TMEM117: variants seen among roughly 807,000 people sequenced by gnomAD.
TMEM117 encodes the protein transmembrane protein 117.
Under a neutral mutation model 52.4 loss-of-function variants are expected in TMEM117, and 27 were observed. That is an observed-to-expected ratio of 0.51 (90% confidence interval 0.38 to 0.71). The LOEUF (loss-of-function observed/expected upper bound fraction) is 0.71. TMEM117 is among the 30% of genes least tolerant of loss of function. TMEM117 has a pLI of 0.00. For synonymous variants in TMEM117, 215 were observed against 206.3 expected (o/e 1.04, Z -0.36); for missense variants, 556 against 630.5 (o/e 0.88, Z 1.26).
At chr12:43,844,961 C>A in intron 2 of TMEM117, 33 bp downstream of exon 2, 1 of 1,569,124 alleles carries the variant, frequency 6.4e-7, no homozygotes, top group African/African-American at 1.4e-5. Flanking sequence ...TGTAATATCA[C>A]TAATTATTTA....
intron 4 of TMEM117, among the ~76,000 whole-genome samples, chr12:44,152,173 AT>A (rs1948741889): frequency 9.0e-6 from 1 of 110,830 alleles, no homozygotes; most frequent in African/African-American, 3.7e-5. Flanking sequence ...TATATATAAA[AT>A]TATATTTATA....
intron 4 of TMEM117, among the ~76,000 whole-genome samples, chr12:44,148,258 A>G (rs1948673398): frequency 6.6e-6 from 1 of 152,222 alleles, no homozygotes; most frequent in South Asian, 2.1e-4. Context: ...TGTGATTTTT[A>G]ATGGACTTTT....
chr12:43,837,046 AT>A (rs144332124), intron 1 of TMEM117, among the ~76,000 whole-genome samples: 466 of 151,092 alleles, frequency 3.1e-3, no homozygotes, highest in Admixed American at 7.5e-3. Context: ...TGTAAACCCC[AT>A]TTTTTTTTGT....
chr12:44,327,422 A>G (rs1219770087), intron 6 of TMEM117, among the ~76,000 whole-genome samples: 1 of 152,194 alleles, frequency 6.6e-6, no homozygotes, highest in African/African-American at 2.4e-5. Context: ...AAGATGATTA[A>G]GTAGAAGATG....
At chr12:43,844,026 T>C (rs759611097) in intron 1 of TMEM117, among the ~76,000 whole-genome samples, 16 of 152,232 alleles carry the variant, frequency 1.1e-4, no homozygotes, top group Non-Finnish European at 2.2e-4. Context: ...TCTATATTGT[T>C]TTGATTTTGT....
intron 2 of TMEM117, among the ~76,000 whole-genome samples, chr12:43,935,118 C>T (rs994945847): frequency 1.3e-5 from 2 of 152,262 alleles, no homozygotes; most frequent in Admixed American, 1.3e-4. Context: ...AGTCGATTCT[C>T]CCACCTCAAT....
rs576832153 is a variant in TMEM117 at position 44,231,660 on chromosome 12, C to T, written c.608+20273C>T. Among the ~76,000 whole-genome samples, 13 of 151,792 alleles carry T rather than the reference C, an allele frequency of 8.6e-5. No individual in the cohort carries two copies. The South Asian group carries it at 2.1e-3, about 24-fold the overall frequency. Reference sequence around the variant, plus strand: ...TTATAGACTTACATTTTAGCCAATCCGGTGGTTGTTCAGTAACATCTCATT... The same window carrying T: ...TTATAGACTTACATTTTAGCCAATCTGGTGGTTGTTCAGTAACATCTCATT... On this transcript the variant is annotated intron_variant, in intron 5 of 7. Coordinates refer to ENST00000266534, the MANE Select transcript of TMEM117 (RefSeq NM_032256.3).
In TMEM117 at chr12:44,381,052, T is replaced by C. The variant is rs1952013248; in HGVS notation, c.898+4328T>C. 2.0e-5 allele frequency among the ~76,000 whole-genome samples: 3 copies of C among 152,204 alleles called. No individual in the cohort carries two copies. The South Asian group carries it at 6.2e-4, about 32-fold the overall frequency. ...TTTATTTATGCATGTCAGAAATAAC[T>C]TGAATTGTTGCATCTGTTTAGCTCA... On this transcript the variant is annotated intron_variant, in intron 7 of 7. Coordinates refer to ENST00000266534, the MANE Select transcript of TMEM117 (RefSeq NM_032256.3).
At chr12:44,260,796 G>A (rs1336202754) in intron 5 of TMEM117, among the ~76,000 whole-genome samples, 1 of 152,164 alleles carries the variant, frequency 6.6e-6, no homozygotes, top group East Asian at 1.9e-4. Context: ...AAAACCATGT[G>A]CAAATCATAG....
At chr12:44,328,921 A>C (rs1040675683) in intron 6 of TMEM117, among the ~76,000 whole-genome samples, 1 of 151,980 alleles carries the variant, frequency 6.6e-6, no homozygotes, top group African/African-American at 2.4e-5. Flanking sequence ...CAGAAATAAG[A>C]CAAGTCTTGG....
chr12:43,891,264 A>ACAGAAGTACCT (rs1944097831), intron 2 of TMEM117, among the ~76,000 whole-genome samples: 2 of 152,012 alleles, frequency 1.3e-5, no homozygotes, highest in South Asian at 4.1e-4. Flanking sequence ...AACAAAACAC[A>ACAGAAGTACCT]CAGAAGTACC....
At chr12:44,159,898 G>T (rs936313375) in intron 4 of TMEM117, among the ~76,000 whole-genome samples, 2 of 152,080 alleles carry the variant, frequency 1.3e-5, no homozygotes, top group Non-Finnish European at 2.9e-5. Context: ...CAAAGTGCTG[G>T]TGTGGAAATG....
At chr12:43,855,894 T>G (rs778838953) in intron 2 of TMEM117, among the ~76,000 whole-genome samples, 2 of 152,210 alleles carry the variant, frequency 1.3e-5, no homozygotes, top group Non-Finnish European at 2.9e-5. Context: ...AAAAGCATGG[T>G]CAAGGTAGTC....
chr12:44,230,837 AT>A (rs1949923326), intron 5 of TMEM117, among the ~76,000 whole-genome samples: 1 of 152,054 alleles, frequency 6.6e-6, no homozygotes, highest in African/African-American at 2.4e-5. Context: ...CATTTCTTTA[AT>A]TCCTAGATGG....
intron 6 of TMEM117, among the ~76,000 whole-genome samples, chr12:44,368,418 C>A (rs142305829): frequency 7.2e-4 from 110 of 152,226 alleles, no homozygotes; most frequent in South Asian, 6.8e-3. Context: ...CCTCTACCCA[C>A]CATCTAATAT....
intron 3 of TMEM117, among the ~76,000 whole-genome samples, chr12:44,021,205 C>T (rs772235796): frequency 1.3e-5 from 2 of 152,066 alleles, no homozygotes; most frequent in Non-Finnish European, 2.9e-5. Flanking sequence ...TATTTCATCA[C>T]CCAGGTATTA....
chr12:43,992,725 T>G (rs981261203), intron 3 of TMEM117, among the ~76,000 whole-genome samples: 2 of 152,206 alleles, frequency 1.3e-5, no homozygotes, highest in Admixed American at 6.5e-5. Context: ...ACTTCCTGCT[T>G]GAGCTGTGGC....
In TMEM117 at chr12:43,961,128, A is replaced by G. The variant is rs370873518; in HGVS notation, c.410+16786A>G. Among the ~76,000 whole-genome samples the G allele has an allele frequency of 4.3e-4, 66 of 152,284 alleles. 1 individual carries two copies. In the South Asian group the frequency reaches 0.013, roughly 31 times the overall value. On this transcript the variant is annotated intron_variant, in intron 3 of 7. Coordinates refer to ENST00000266534, the MANE Select transcript of TMEM117 (RefSeq NM_032256.3). ...TACCCATTTCAGGGTTGTTGTGACA[A>G]TCAAGGAAGATAATAAATGCAAAAC...
At chr12:43,830,471 G>A in the TMEM117 span, among the ~76,000 whole-genome samples, 3 of 151,872 alleles carry the variant, frequency 2.0e-5, no homozygotes, top group East Asian at 1.9e-4. Context: ...TTAGCCAGGC[G>A]TGGTGGTGCA....
Sources: allele counts gnomAD v4.1 joint callset (sites outside exome capture counted in the v4.1 genomes callset), GRCh38; gene constraint gnomAD v4.1.1; transcripts MANE v1.5; gene names NCBI Gene and HGNC (gene_info 2026-07-23, HGNC 2026-07-21).